Variants in DCHS1 observed in about 807,000 individuals in gnomAD.
The protein encoded by DCHS1 is dachsous cadherin-related 1, also known as protocadherin-16.
Under a neutral mutation model 213.9 loss-of-function variants are expected in DCHS1, and 78 were observed. The ratio of observed to expected loss-of-function variants is 0.36; its 90% CI spans 0.30 to 0.44. The LOEUF (loss-of-function observed/expected upper bound fraction) is 0.44. Among genes scored for constraint, DCHS1 ranks in the 20% least tolerant of loss-of-function variants. The pLI is 1.00. For synonymous variants in DCHS1, 1,828 were observed against 1,873.7 expected, an observed-to-expected ratio of 0.98 and a Z score of 0.63; for missense variants, 3,946 against 4,395.9, an observed-to-expected ratio of 0.90 and a Z score of 2.89.
rs1192366651 is a variant in DCHS1 at position 6,624,134 on chromosome 11, G to A, written c.7542C>T (p.Ser2514=). Reference sequence around the variant, plus strand: ...TGATGCTGTAGTCCACAGCGGCATGGCTGCGGCTTCCATCAGCATCTGTAG... The same window carrying A: ...TGATGCTGTAGTCCACAGCGGCATGACTGCGGCTTCCATCAGCATCTGTAG... ...LEATDADGSR[S]HAAVDYSIIS... Residue 2514 remains serine (S), a synonymous_variant, in exon 21 of 21, where the codon AGC becomes AGT. Coordinates refer to ENST00000299441, the MANE Select transcript of DCHS1 (RefSeq NM_003737.4). 1 of 1,611,546 alleles carries A rather than the reference G, an allele frequency of 6.2e-7. No individual in the cohort carries two copies. The highest frequency in any genetic ancestry group is 2.2e-5 in the East Asian group (1 of 44,838).
rs747979521 is a variant in DCHS1 at position 6,633,974 on chromosome 11, T to C, written c.2033A>G (p.Glu678Gly). The C allele has an allele frequency of 6.2e-7, 1 of 1,614,022 alleles. No individual in the cohort carries two copies. Among genetic ancestry groups the C allele is most frequent in the South Asian group, 1.1e-5 (1 of 91,078 alleles). The change falls in exon 4 of 21, where the codon GAG becomes GGG. Residue 678 changes from glutamate to glycine, a missense_variant. This residue lies in a region of DCHS1 where 3,384 missense variants were observed against 3,780.1 expected (regional missense o/e 0.90). Coordinates refer to ENST00000299441, the MANE Select transcript of DCHS1 (RefSeq NM_003737.4). Reference sequence around the variant, plus strand: ...ATAAAACTGAGGAGGGTTGTCATTCTCGTCTGACAGAAACACCTTCACATA... The same window carrying C: ...ATAAAACTGAGGAGGGTTGTCATTCCCGTCTGACAGAAACACCTTCACATA... ...MVYVKVFLSD[E>G]NDNPPQFYPR...
At position 6,630,592 on chromosome 11, in the gene DCHS1, G is replaced by A; in HGVS notation, c.4202C>T (p.Pro1401Leu). 1 of 1,540,114 alleles carries A rather than the reference G, an allele frequency of 6.5e-7. No homozygotes were observed. The highest frequency in any genetic ancestry group is 8.7e-7 in the Non-Finnish European group (1 of 1,150,190). Residue 1401 changes from proline to leucine, a missense_variant, in exon 10 of 21, where the codon CCG becomes CTG. Around this residue, in one of 3 missense-constraint regions of DCHS1, gnomAD observed 3,384 missense variants for 3,780.1 expected, o/e 0.90. Transcript: ENST00000299441. ...AGCGCGTACCGTAAGCGCGCGCCAC[G>A]GCGGGCCAGCTTCGAAGTCCAGGGG... ...ARPLDFEAGP[P>L]WRALTVRAEG...
At chr11:6,651,015 G>A (rs925678146) in intron 1 of DCHS1, among the ~76,000 whole-genome samples, 1 of 152,148 alleles carries the variant, frequency 6.6e-6, no homozygotes. Context: ...AGTGAACGAG[G>A]GTGAGGGATG....
At position 6,630,094 on chromosome 11, in the gene DCHS1, A is replaced by G. The variant is rs143585339; in HGVS notation, c.4700T>C (p.Val1567Ala). 1 of 1,598,174 alleles carries G rather than the reference A, an allele frequency of 6.3e-7. No individual in the cohort carries two copies. The highest frequency in any genetic ancestry group is 1.3e-5 in the African/African-American group (1 of 74,484). ...GCCCAGATCCGGGTCCCGGGCTACC[A>G]CGTGCAGGGCCGCGGGCCCAGGCGG... Reference protein sequence around the residue: ...DQPPGPAALHVVARDPDLGEA... With the variant: ...DQPPGPAALHAVARDPDLGEA... The change falls in exon 10 of 21, where the codon GTG becomes GCG. Residue 1567 changes from valine to alanine, a missense_variant. Val to Ala is a moderately conservative substitution (Grantham distance 64). This residue lies in a region of DCHS1 where 3,384 missense variants were observed against 3,780.1 expected (regional missense o/e 0.90). Transcript: ENST00000299441.
At position 6,630,032 on chromosome 11, in the gene DCHS1, C is replaced by G; in HGVS notation, c.4762G>C (p.Gly1588Arg). ...GAGTGCAGCCGGAAGTGGCCGTCCC[C>G]GCCAGATGCCAGCCGATAGGACACG... is the stretch of plus-strand genomic sequence containing the variant. ...ARVSYRLASG[G>R]DGHFRLHSST... Residue 1588 changes from glycine to arginine, a missense_variant, in exon 10 of 21, where the codon GGG becomes CGG. Physicochemically the swap from Gly to Arg is moderately radical, Grantham distance 125 (BLOSUM62 -2). This residue lies in a region of DCHS1 where 3,384 missense variants were observed against 3,780.1 expected (regional missense o/e 0.90). Coordinates refer to ENST00000299441, the MANE Select transcript of DCHS1 (RefSeq NM_003737.4). The G allele has an allele frequency of 6.4e-7, 1 of 1,557,792 alleles. No homozygotes were observed. Among genetic ancestry groups the G allele is most frequent in the Non-Finnish European group, 8.7e-7 (1 of 1,148,396 alleles).
chr11:6,633,144 C>G, intron 5 of DCHS1, 88 bp from the exon 6 acceptor site: 1 of 1,450,456 alleles, frequency 6.9e-7, no homozygotes, highest in South Asian at 1.3e-5. Flanking sequence ...AAGGACTGGG[C>G]AGTGCCCACA....
intron 2 of DCHS1, among the ~76,000 whole-genome samples, chr11:6,638,426 A>G (rs949636091): frequency 6.6e-6 from 1 of 152,152 alleles, no homozygotes; most frequent in African/African-American, 2.4e-5. Context: ...GCTCCTGTCT[A>G]CTGTCTTTTC....
At chr11:6,629,339 CT>C in intron 12 of DCHS1, 112 bp downstream of exon 12, 3 of 1,431,936 alleles carry the variant, frequency 2.1e-6, no homozygotes, top group Non-Finnish European at 1.9e-6. Flanking sequence ...ATAACAGGAG[CT>C]TTGTGGTAAT....
Position 6,622,847 on chromosome 11 carries a change from G to A in DCHS1, c.8829C>T (p.Ala2943=), listed in dbSNP as rs1338212090. The change falls in exon 21 of 21, where the codon GCC becomes GCT. Residue 2943 remains alanine, a synonymous_variant. Transcript: ENST00000299441. This position sits in a 1 kb window ranked among gnomAD's most constrained non-coding sequence, Gnocchi z 5.4. The part of the protein sequence containing the change: ...LNLLLVGAVA[A]SLGVVVVLAL... Reference sequence around the variant, plus strand: ...CAAGCACCACCACAACTCCCAAGGAGGCTGCCACGGCCCCTACTAATAGCA... The same window carrying A: ...CAAGCACCACCACAACTCCCAAGGAAGCTGCCACGGCCCCTACTAATAGCA... 3 of 1,595,540 alleles carry A rather than the reference G, an allele frequency of 1.9e-6. No homozygotes were observed. The highest frequency in any genetic ancestry group is 1.7e-5 in the Admixed American group (1 of 57,576).
intron 2 of DCHS1, among the ~76,000 whole-genome samples, chr11:6,637,720 A>T (rs1023957729): frequency 6.6e-6 from 1 of 152,000 alleles, no homozygotes; most frequent in African/African-American, 2.4e-5. Context: ...CATACTGCCT[A>T]TCTGTACCTC....
chr11:6,628,601 G>A lies in DCHS1; in HGVS notation c.5371+20C>T. ...CAGGCAAGTGGGTGCTGAATTAAGTGGGAGTGGGAAGGTTCTCACCTAGGA... is the reference window on the plus strand; with the variant it reads ...CAGGCAAGTGGGTGCTGAATTAAGTAGGAGTGGGAAGGTTCTCACCTAGGA... On this transcript the variant is annotated intron_variant, in intron 13 of 20. Coordinates refer to ENST00000299441, the MANE Select transcript of DCHS1 (RefSeq NM_003737.4). This position sits in a 1 kb window ranked among gnomAD's most constrained non-coding sequence, Gnocchi z 4.3. The A allele has an allele frequency of 6.2e-7, 1 of 1,613,228 alleles. No individual in the cohort carries two copies. Among genetic ancestry groups the A allele is most frequent in the Non-Finnish European group, 8.5e-7 (1 of 1,179,502 alleles).
chr11:6,647,617 A>G (rs1279041259), intron 1 of DCHS1, among the ~76,000 whole-genome samples: 2 of 152,166 alleles, frequency 1.3e-5, no homozygotes, highest in Non-Finnish European at 1.5e-5. Flanking sequence ...TCATTTAATC[A>G]CCATAACAAC....
In DCHS1 at chr11:6,636,295, G is replaced by C. The variant is rs575678237; in HGVS notation, c.1798-1989C>G. On this transcript the variant is annotated intron_variant, in intron 2 of 20. Coordinates refer to ENST00000299441, the MANE Select transcript of DCHS1 (RefSeq NM_003737.4). ...TGTGATCCTAGCTCACTGCAACTTC[G>C]AACTCCTGGGCTCAAGCAATCCTCC... Among the ~76,000 whole-genome samples the C allele has an allele frequency of 2.0e-3, 304 of 152,166 alleles. 1 individual carries two copies. The highest frequency in any genetic ancestry group is 7.0e-3 in the African/African-American group (291 of 41,506).
At chr11:6,639,595 C>T (rs113407979) in intron 2 of DCHS1, among the ~76,000 whole-genome samples, 340 of 152,352 alleles carry the variant, frequency 2.2e-3, no homozygotes, top group African/African-American at 7.2e-3. Flanking sequence ...TTAATTTCCT[C>T]ACCTGCCAAG....
chr11:6,628,810 A>T lies in DCHS1; in HGVS notation c.5182T>A (p.Ser1728Thr). The T allele has an allele frequency of 6.2e-7, 1 of 1,613,726 alleles. No individual in the cohort carries two copies. The highest frequency in any genetic ancestry group is 1.1e-5 in the South Asian group (1 of 90,988). Reference protein sequence around the residue: ...NLTVYAQDRGSPPQLTHVTVR... With the variant: ...NLTVYAQDRGTPPQLTHVTVR... ...GTGACATGCGTTAACTGAGGAGGTG[A>T]GCCCCTGTCCTGGGCATACACTGTG... The change falls in exon 13 of 21, where the codon TCA (serine) becomes ACA (threonine). Residue 1728 changes from serine (S) to threonine (T), a missense_variant. Physicochemically the swap from Ser to Thr is moderately conservative, Grantham distance 58 (BLOSUM62 1). Transcript: ENST00000299441. The surrounding 1 kb of genome is among the most constrained non-coding windows in gnomAD (Gnocchi z 4.3).
intron 1 of DCHS1, among the ~76,000 whole-genome samples, chr11:6,651,007 T>C (rs1444277248): frequency 6.6e-6 from 1 of 151,886 alleles, no homozygotes; most frequent in African/African-American, 2.4e-5. Flanking sequence ...TTCTGAAGAG[T>C]GAACGAGGGT....
chr11:6,642,187 C>T (rs1856087851), intron 1 of DCHS1, among the ~76,000 whole-genome samples: 1 of 152,188 alleles, frequency 6.6e-6, no homozygotes, highest in Admixed American at 6.5e-5. Context: ...TCTCTCTCCC[C>T]ACCCACCACC....
chr11:6,630,717 G>A lies in DCHS1; in HGVS notation c.4077C>T (p.Pro1359=), dbSNP rs1204605701. Residue 1359 remains proline, a synonymous_variant, in exon 10 of 21, where the codon CCC becomes CCT. Transcript: ENST00000299441. The part of the protein sequence containing the change: ...SLLGSVAAPE[P]AGVGALTYTL... ...TGTAGGTGAGTGCACCCACACCCGC[G>A]GGCTCTGGCGCTGCCACCGAGCCCA... 2 of 1,543,956 alleles carry A rather than the reference G, an allele frequency of 1.3e-6. No homozygotes were observed. Among genetic ancestry groups the A allele is most frequent in the South Asian group, 1.2e-5 (1 of 84,088 alleles).
At chr11:6,651,084 C>A (rs961389099) in intron 1 of DCHS1, among the ~76,000 whole-genome samples, 3 of 152,168 alleles carry the variant, frequency 2.0e-5, no homozygotes, top group African/African-American at 7.2e-5. Flanking sequence ...CTGTGTGGGA[C>A]CCTGAGTCAC....
Sources: allele counts gnomAD v4.1 joint callset (sites outside exome capture counted in the v4.1 genomes callset), GRCh38; gene constraint gnomAD v4.1.1; regional missense constraint gnomAD v4.1.1; non-coding constraint Gnocchi (gnomAD v3.1); transcripts MANE v1.5; gene names NCBI Gene and HGNC (gene_info 2026-07-23, HGNC 2026-07-21).